The following WFDC10B variants were observed in gnomAD, a reference collection of about 807,000 sequenced individuals.
The protein encoded by WFDC10B is protein WFDC10B.
Under a neutral mutation model 2.7 loss-of-function variants are expected in WFDC10B, and 1 was observed. That is an observed-to-expected ratio of 0.38 (90% CI 0.13 to 1.79). WFDC10B has a LOEUF of 1.79. Among genes scored for constraint, WFDC10B ranks in the 40% most tolerant of loss-of-function variants. The pLI is 0.33. For missense variants in WFDC10B, 71 were observed against 87.8 expected, an observed-to-expected ratio of 0.81 and a Z score of 0.76; for synonymous variants, 26 against 32.2, an observed-to-expected ratio of 0.81 and a Z score of 0.65.
chr20:45,696,983 G>A (rs573800186), intron 2 of WFDC10B, among the ~76,000 whole-genome samples: 1 of 151,726 alleles, frequency 6.6e-6, no homozygotes, highest in Non-Finnish European at 1.5e-5. Flanking sequence ...ATGATTAAAG[G>A]TACCTATAAA....
chr20:45,694,517 G>A (rs1175063562), intron 2 of WFDC10B, among the ~76,000 whole-genome samples: 1 of 152,102 alleles, frequency 6.6e-6, no homozygotes, highest in Non-Finnish European at 1.5e-5. Flanking sequence ...AAGCAATAGA[G>A]CTTCAAAATA....
rs202095515 is a variant in WFDC10B at position 45,684,780 on chromosome 20, G to A, written c.*50C>T. On this transcript the variant is annotated 3_prime_UTR_variant, in exon 4 of 4. Transcript: ENST00000330523. Reference sequence around the variant, plus strand: ...GTGCTTCGGATGTGGGCACAGTCTCGGATGGAAGGGTTCAGGGAGCAGGAT... The same window carrying A: ...GTGCTTCGGATGTGGGCACAGTCTCAGATGGAAGGGTTCAGGGAGCAGGAT... 1.9e-3 allele frequency: 3,019 copies of A among 1,599,994 alleles called. 2 individuals are homozygous for A. Among genetic ancestry groups the A allele is most frequent in the Non-Finnish European group, 2.3e-3 (2,711 of 1,171,796 alleles).
intron 2 of WFDC10B, among the ~76,000 whole-genome samples, chr20:45,696,565 G>A (rs1318259772): frequency 6.6e-6 from 1 of 151,972 alleles, no homozygotes; most frequent in Non-Finnish European, 1.5e-5. Flanking sequence ...AAATTAGAGT[G>A]GGACATCACC....
chr20:45,686,928 T>C (rs1389392265), intron 2 of WFDC10B, among the ~76,000 whole-genome samples: 3 of 152,172 alleles, frequency 2.0e-5, no homozygotes, highest in African/African-American at 7.2e-5. Context: ...CCCAAAGTCA[T>C]GGGATTACAG....
chr20:45,686,077 AAAG>A (rs2145633560), intron 2 of WFDC10B, 21 bp from the exon 3 acceptor site: 6 of 1,544,868 alleles, frequency 3.9e-6, no homozygotes, highest in Admixed American at 3.9e-5. Context: ...GGAAGGAAAT[AAAG>A]AAGGAATGAT....
At chr20:45,697,638 C>T (rs1308020040) in intron 2 of WFDC10B, among the ~76,000 whole-genome samples, 1 of 151,868 alleles carries the variant, frequency 6.6e-6, no homozygotes, top group African/African-American at 2.4e-5. Flanking sequence ...AGGCGTGAGC[C>T]ACCACACCTA....
chr20:45,703,693 G>A (rs2145644865), intron 2 of WFDC10B, among the ~76,000 whole-genome samples: 1 of 152,244 alleles, frequency 6.6e-6, no homozygotes, highest in East Asian at 1.9e-4. Context: ...GTAGGTCTTA[G>A]CTTTGAACTG....
intron 2 of WFDC10B, among the ~76,000 whole-genome samples, chr20:45,694,485 A>C (rs377450898): frequency 6.6e-6 from 1 of 152,368 alleles, no homozygotes; most frequent in East Asian, 1.9e-4. Context: ...AAAGATATAA[A>C]AATTATAAAC....
At position 45,684,859 on chromosome 20, in the gene WFDC10B, A is replaced by G. The variant is rs762897951; in HGVS notation, c.193T>C (p.Cys65Arg). 6.2e-7 allele frequency: 1 copy of G among 1,614,046 alleles called. No homozygotes were observed. The highest frequency in any genetic ancestry group is 1.1e-5 in the South Asian group (1 of 91,072). ...AGGATGCTCATACAAATGTTCCCAC[A>G]GAAGGCTGAACAGCATATCTTATTT... is the stretch of plus-strand genomic sequence containing the variant. Reference protein sequence around the residue: ...ETNKICCSAFCGNICMSIL With the variant: ...ETNKICCSAFRGNICMSIL Residue 65 changes from cysteine (C) to arginine (R), a missense_variant, in exon 4 of 4, where the codon TGT (cysteine) becomes CGT (arginine). Physicochemically the swap from Cys to Arg is radical, Grantham distance 180. Coordinates refer to ENST00000330523, the MANE Select transcript of WFDC10B (RefSeq NM_172006.2).
chr20:45,702,095 A>G, intron 2 of WFDC10B: 1 of 1,605,914 alleles, frequency 6.2e-7, no homozygotes, highest in Non-Finnish European at 8.5e-7. Context: ...ACCCTTGGCC[A>G]GAACTTACTC....
rs376699846 is a variant in WFDC10B at position 45,704,919 on chromosome 20, T to C, written c.-131A>G. ...ACCCTTATCCCAGGGACACTGTACCTGCAGGTGTAACCAAAATCCCAAAGC... is the reference window on the plus strand; with the variant it reads ...ACCCTTATCCCAGGGACACTGTACCCGCAGGTGTAACCAAAATCCCAAAGC... On this transcript the variant is annotated splice_region_variant and 5_prime_UTR_variant, in exon 1 of 4. Coordinates refer to ENST00000330523, the MANE Select transcript of WFDC10B (RefSeq NM_172006.2). The C allele has an allele frequency of 1.2e-6, 2 of 1,614,078 alleles. No homozygotes were observed.
At chr20:45,704,774 A>G (rs1984321781) in intron 1 of WFDC10B, 144 bp downstream of exon 1, 9 of 1,296,962 alleles carry the variant, frequency 6.9e-6, no homozygotes, top group Admixed American at 1.9e-5. Flanking sequence ...CTGATTAGAA[A>G]AGCCCTCCTC....
At chr20:45,688,598 G>C (rs73620960) in intron 2 of WFDC10B, among the ~76,000 whole-genome samples, 1 of 152,038 alleles carries the variant, frequency 6.6e-6, no homozygotes, top group African/African-American at 2.4e-5. Flanking sequence ...GCCAGTGATG[G>C]TGAGCATTTT....
At chr20:45,690,735 T>C (rs1275163356) in intron 2 of WFDC10B, among the ~76,000 whole-genome samples, 1 of 152,194 alleles carries the variant, frequency 6.6e-6, no homozygotes, top group Non-Finnish European at 1.5e-5. Context: ...TCTCTTTTTT[T>C]ATTAGTCTTG....
intron 2 of WFDC10B, among the ~76,000 whole-genome samples, chr20:45,696,470 T>TA (rs1983983397): frequency 6.6e-6 from 1 of 151,924 alleles, no homozygotes. Flanking sequence ...CAAAGCTTGG[T>TA]TTTTTTAAAA....
At chr20:45,702,565 G>T (rs1162622348) in intron 2 of WFDC10B, among the ~76,000 whole-genome samples, 1 of 152,196 alleles carries the variant, frequency 6.6e-6, no homozygotes, top group Non-Finnish European at 1.5e-5. Flanking sequence ...CTCCTTCATG[G>T]ATGCTTGGAC....
intron 2 of WFDC10B, among the ~76,000 whole-genome samples, chr20:45,688,505 TG>T: frequency 6.6e-6 from 1 of 152,308 alleles, no homozygotes; most frequent in South Asian, 2.1e-4. Context: ...CAGCACCTGT[TG>T]TTTCTTGACT....
At chr20:45,685,512 T>C (rs1223453656) in intron 3 of WFDC10B, among the ~76,000 whole-genome samples, 1 of 152,092 alleles carries the variant, frequency 6.6e-6, no homozygotes, top group Non-Finnish European at 1.5e-5. Flanking sequence ...CCTACACTTA[T>C]ACCCATTTCT....
At chr20:45,688,038 C>G (rs1429078009) in intron 2 of WFDC10B, among the ~76,000 whole-genome samples, 20 of 114,130 alleles carry the variant, frequency 1.8e-4, no homozygotes, top group Non-Finnish European at 2.7e-4. Context: ...CCCCACCCCA[C>G]AACAGTCCCC....
Sources: gnomAD v4.1 joint callset for allele counts (sites outside exome capture counted in the v4.1 genomes callset) on GRCh38, gnomAD v4.1.1 for gene constraint, MANE v1.5 for transcripts, NCBI Gene and HGNC (gene_info 2026-07-23, HGNC 2026-07-21) for gene names.